Variants in PGAP1 observed in about 807,000 individuals in gnomAD.
PGAP1 encodes post-GPI attachment to proteins inositol deacylase 1.
Under a neutral mutation model 127.0 loss-of-function variants are expected in PGAP1, and 76 were observed. The observed-to-expected ratio is 0.60, with a 90% CI of 0.50 to 0.72. PGAP1 has a LOEUF of 0.72. Ranked by LOEUF, PGAP1 falls within the 30% of genes least tolerant of loss-of-function variation. The probability of loss-of-function intolerance (pLI) is 0.00; values close to 1 mark genes in which losing one functional copy is unlikely to be tolerated. For synonymous variants in PGAP1, 362 were observed against 366.5 expected, an observed-to-expected ratio of 0.99 and a Z score of 0.14; for missense variants, 982 against 1,071.3, an observed-to-expected ratio of 0.92 and a Z score of 1.16.
intron 19 of PGAP1, among the ~76,000 whole-genome samples, chr2:196,865,749 T>C (rs552600522): frequency 6.7e-6 from 1 of 148,784 alleles, no homozygotes; most frequent in African/African-American, 2.6e-5. Context: ...TTCATAATCA[T>C]TACGTTATAG....
chr2:196,871,501 A>C (rs763236278), intron 18 of PGAP1, among the ~76,000 whole-genome samples: 1 of 152,132 alleles, frequency 6.6e-6, no homozygotes, highest in Non-Finnish European at 1.5e-5. Context: ...AGCATGCAGT[A>C]GTTGGAGTCA....
chr2:196,862,110 A>G (rs1004017770), intron 20 of PGAP1, among the ~76,000 whole-genome samples: 2 of 152,080 alleles, frequency 1.3e-5, no homozygotes, highest in Admixed American at 6.6e-5. Flanking sequence ...GAACAGAGCC[A>G]TATTTCTCTT....
At chr2:196,923,666 C>CT (rs755055183) in intron 1 of PGAP1, among the ~76,000 whole-genome samples, 289 of 144,210 alleles carry the variant, frequency 2.0e-3, no homozygotes, top group East Asian at 5.4e-3. Context: ...TTTTTTCTTT[C>CT]TTTTTTTTTT....
At chr2:196,878,663 C>T (rs1576141999) in intron 13 of PGAP1, among the ~76,000 whole-genome samples, 1 of 152,134 alleles carries the variant, frequency 6.6e-6, no homozygotes, top group Non-Finnish European at 1.5e-5. Context: ...CTTATGGCTT[C>T]CTACTGACTT....
At chr2:196,857,562 G>A (rs749846399) in intron 20 of PGAP1, among the ~76,000 whole-genome samples, 1 of 152,166 alleles carries the variant, frequency 6.6e-6, no homozygotes, top group Non-Finnish European at 1.5e-5. Flanking sequence ...TGCTTTTGGA[G>A]AAATATCTTA....
At position 196,840,074 on chromosome 2, in the gene PGAP1, T is replaced by C. The variant is rs973918211; in HGVS notation, c.*1160A>G. ...CTCTTGTAGCTAAAAGTGACGTAAA[T>C]TCTGAAATGAAATAAAATGTTACTC... On this transcript the variant is annotated 3_prime_UTR_variant, in exon 27 of 27. Coordinates refer to ENST00000354764, the MANE Select transcript of PGAP1 (RefSeq NM_024989.4). The C allele has an allele frequency of 5.9e-5, 9 of 152,186 alleles. No homozygotes were observed. The highest frequency in any genetic ancestry group is 2.2e-4 in the African/African-American group (9 of 41,460). The allele number at this position is 152,186 out of a possible 1,614,324, so 9.4% of individuals were successfully genotyped here. A position where few individuals can be genotyped will look rare whatever the true frequency, so the allele number is the denominator to read the frequency against.
chr2:196,859,000 A>AG (rs1700978789), intron 20 of PGAP1, among the ~76,000 whole-genome samples: 1 of 152,080 alleles, frequency 6.6e-6, no homozygotes, highest in Non-Finnish European at 1.5e-5. Context: ...GGTTGAATCA[A>AG]GAAAAAAAAA....
intron 2 of PGAP1, among the ~76,000 whole-genome samples, chr2:196,918,370 G>T (rs1703081259): frequency 1.3e-5 from 2 of 152,086 alleles, no homozygotes; most frequent in African/African-American, 4.8e-5. Context: ...AGGTTTATGT[G>T]CTCCAGGAAA....
intron 20 of PGAP1, among the ~76,000 whole-genome samples, chr2:196,858,168 G>A (rs1037786215): frequency 5.3e-5 from 8 of 152,102 alleles, no homozygotes; most frequent in Non-Finnish European, 1.0e-4. Context: ...TTGGGAGGCC[G>A]AGGTGGGCAG....
chr2:196,860,754 C>T (rs1031331081), intron 20 of PGAP1, among the ~76,000 whole-genome samples: 1 of 152,126 alleles, frequency 6.6e-6, no homozygotes, highest in Admixed American at 6.5e-5. Context: ...GTTAAACTGT[C>T]TATACTACCT....
intron 20 of PGAP1, among the ~76,000 whole-genome samples, chr2:196,854,421 T>G (rs1553597019): frequency 6.6e-6 from 1 of 152,192 alleles, no homozygotes; most frequent in Non-Finnish European, 1.5e-5. Flanking sequence ...CATAAATTCA[T>G]AGAAATCAAA....
At chr2:196,918,520 A>C (rs1703085214) in intron 2 of PGAP1, among the ~76,000 whole-genome samples, 1 of 152,220 alleles carries the variant, frequency 6.6e-6, no homozygotes, top group Non-Finnish European at 1.5e-5. Flanking sequence ...CACAGCTCAC[A>C]CAACAACTTG....
chr2:196,878,529 G>C (rs1424485698), intron 13 of PGAP1, among the ~76,000 whole-genome samples: 1 of 151,980 alleles, frequency 6.6e-6, no homozygotes, highest in African/African-American at 2.4e-5. Flanking sequence ...TTGGATTAAG[G>C]GTGCTCAGTC....
rs991245817 is a variant in PGAP1, at chr2:196,840,839, A to G, written c.*395T>C. On this transcript the variant is annotated 3_prime_UTR_variant, in exon 27 of 27. Coordinates refer to ENST00000354764, the MANE Select transcript of PGAP1 (RefSeq NM_024989.4). Reference sequence around the variant, plus strand: ...AACTATAGCAAATTCAAAATAACCTACTTTTGTGAAAAAAAGTTTGATGAA... The same window carrying G: ...AACTATAGCAAATTCAAAATAACCTGCTTTTGTGAAAAAAAGTTTGATGAA... The G allele has an allele frequency of 1.3e-5, 2 of 156,512 alleles. No individual in the cohort carries two copies. The highest frequency in any genetic ancestry group is 4.8e-5 in the African/African-American group (2 of 41,660). The allele number at this position is 156,512 out of a possible 1,614,324, so 9.7% of individuals were successfully genotyped here. A position where few individuals can be genotyped will look rare whatever the true frequency, so the allele number is the denominator to read the frequency against.
intron 4 of PGAP1, among the ~76,000 whole-genome samples, chr2:196,906,889 G>A (rs1439413738): frequency 8.4e-6 from 1 of 119,164 alleles, no homozygotes; most frequent in African/African-American, 3.6e-5. Context: ...AGCGAGAAGG[G>A]AAGTTTAGAG....
intron 22 of PGAP1, among the ~76,000 whole-genome samples, chr2:196,846,517 T>C (rs1354891198): frequency 1.3e-5 from 2 of 152,070 alleles, no homozygotes; most frequent in African/African-American, 2.4e-5. Flanking sequence ...GGGCACTAGA[T>C]TGATGATTTA....
At chr2:196,925,555 C>T (rs1576213309) in intron 1 of PGAP1, among the ~76,000 whole-genome samples, 2 of 152,282 alleles carry the variant, frequency 1.3e-5, no homozygotes, top group East Asian at 3.9e-4. Flanking sequence ...CCTCTTTTTA[C>T]AGCTAGTCAT....
chr2:196,862,714 C>G (rs762005303), intron 20 of PGAP1, among the ~76,000 whole-genome samples: 1 of 152,150 alleles, frequency 6.6e-6, no homozygotes, highest in African/African-American at 2.4e-5. Context: ...AGAAAAGAAC[C>G]TACGTGACTA....
At chr2:196,922,232 T>C (rs1158588689) in intron 1 of PGAP1, 3 of 1,262,274 alleles carry the variant, frequency 2.4e-6, no homozygotes, top group Middle Eastern at 2.2e-4. Context: ...TCCCAGGTAA[T>C]AGAAAAATGC....
Sources: gnomAD v4.1 joint callset for allele counts (sites outside exome capture counted in the v4.1 genomes callset) on GRCh38, gnomAD v4.1.1 for gene constraint, MANE v1.5 for transcripts, NCBI Gene and HGNC (gene_info 2026-07-23, HGNC 2026-07-21) for gene names.